Variants in DPP10 observed in about 807,000 individuals in gnomAD.
DPP10 encodes dipeptidyl peptidase like 10.
In DPP10, 33 loss-of-function variants were observed where a neutral mutation model predicts 120.9. That is an observed-to-expected ratio of 0.27 (90% CI 0.21 to 0.37). The LOEUF is 0.37. Among genes scored for constraint, DPP10 ranks in the 10% least tolerant of loss-of-function variants. The pLI is 1.00. For synonymous variants in DPP10, 337 were observed against 326.1 expected, an observed-to-expected ratio of 1.03 and a Z score of -0.36; for missense variants, 816 against 942.8, an observed-to-expected ratio of 0.87 and a Z score of 1.76.
At chr2:114,562,212 A>G (rs151299361) in intron 1 of DPP10, among the ~76,000 whole-genome samples, 16 of 152,208 alleles carry the variant, frequency 1.1e-4, no homozygotes, top group African/African-American at 3.1e-4. Flanking sequence ...CTTCCACTCT[A>G]TGCTACCTTT....
intron 1 of DPP10, among the ~76,000 whole-genome samples, chr2:114,578,333 T>C (rs1236154293): frequency 6.6e-6 from 1 of 152,216 alleles, no homozygotes; most frequent in Non-Finnish European, 1.5e-5. Flanking sequence ...ATTAAGGCAT[T>C]AGTTTTATTG....
At chr2:114,662,855 G>C (rs186692547) in intron 1 of DPP10, among the ~76,000 whole-genome samples, 267 of 152,286 alleles carry the variant, frequency 1.8e-3, no homozygotes, top group African/African-American at 6.0e-3. Flanking sequence ...CTGCTGCTTT[G>C]ATGCTGTTTC....
intron 1 of DPP10, among the ~76,000 whole-genome samples, chr2:115,305,056 C>T (rs1166260712): frequency 1.3e-5 from 2 of 151,982 alleles, no homozygotes; most frequent in African/African-American, 4.8e-5. Flanking sequence ...TGAACACAAG[C>T]GTTTCAACTG....
chr2:115,216,165 G>A (rs1364772408), intron 1 of DPP10, among the ~76,000 whole-genome samples: 1 of 152,064 alleles, frequency 6.6e-6, no homozygotes, highest in Non-Finnish European at 1.5e-5. Flanking sequence ...TGGGAGGATG[G>A]GAGGAAAGAG....
chr2:115,646,993 A>T (rs968272667), intron 5 of DPP10, among the ~76,000 whole-genome samples: 4 of 152,042 alleles, frequency 2.6e-5, no homozygotes, highest in Non-Finnish European at 4.4e-5. Context: ...TAAGATAGTC[A>T]TTCTATAGTA....
intron 9 of DPP10, among the ~76,000 whole-genome samples, chr2:115,742,103 T>C (rs1342038157): frequency 2.0e-5 from 3 of 152,198 alleles, no homozygotes; most frequent in Non-Finnish European, 4.4e-5. Flanking sequence ...TGTTTGTTTT[T>C]TTCTTATTTG....
At chr2:115,459,210 G>T (rs1344251420) in intron 3 of DPP10, among the ~76,000 whole-genome samples, 1 of 151,490 alleles carries the variant, frequency 6.6e-6, no homozygotes, top group Non-Finnish European at 1.5e-5. Context: ...AGGCTGGAGT[G>T]CAGTGGCACA....
In DPP10 at chr2:115,684,028, G is replaced by T. The variant is rs537362045; in HGVS notation, c.442-5659G>T. On this transcript the variant is annotated intron_variant, in intron 5 of 25. Coordinates refer to ENST00000410059, the MANE Select transcript of DPP10 (RefSeq NM_020868.6). Reference sequence around the variant, plus strand: ...GAAGGATAGAAAATATCCTTTTAAGGTTATAAATCTATCCAAACCTGAAGG... The same window carrying T: ...GAAGGATAGAAAATATCCTTTTAAGTTTATAAATCTATCCAAACCTGAAGG... 5.3e-5 allele frequency among the ~76,000 whole-genome samples: 8 copies of T among 151,774 alleles called. No homozygotes were observed. In the South Asian group the frequency reaches 8.3e-4, roughly 16 times the overall value.
At chr2:115,005,271 A>C (rs566400827) in intron 1 of DPP10, among the ~76,000 whole-genome samples, 1 of 152,288 alleles carries the variant, frequency 6.6e-6, no homozygotes, top group South Asian at 2.1e-4. Flanking sequence ...TGGGGAAAAA[A>C]CCGAACAGAA....
At chr2:114,528,080 C>T (rs181353857) in intron 1 of DPP10, among the ~76,000 whole-genome samples, 240 of 152,056 alleles carry the variant, frequency 1.6e-3, no homozygotes, top group African/African-American at 5.2e-3. Flanking sequence ...TACTTGAAGA[C>T]GGAAAGAGGA....
chr2:115,627,451 T>C (rs529959090), intron 5 of DPP10, among the ~76,000 whole-genome samples: 10 of 152,172 alleles, frequency 6.6e-5, no homozygotes, highest in Non-Finnish European at 1.3e-4. Context: ...AGATTTATAG[T>C]GTCAACAGAG....
At chr2:115,481,497 A>C (rs1296418190) in intron 3 of DPP10, among the ~76,000 whole-genome samples, 1 of 152,092 alleles carries the variant, frequency 6.6e-6, no homozygotes, top group African/African-American at 2.4e-5. Context: ...GTAATTCAGG[A>C]GTTTTAGTTG....
intron 1 of DPP10, among the ~76,000 whole-genome samples, chr2:114,581,613 G>A (rs758169431): frequency 6.6e-5 from 10 of 152,146 alleles, no homozygotes; most frequent in Non-Finnish European, 1.5e-4. Flanking sequence ...TGGCATTTTT[G>A]TTGGCCTTTT....
At chr2:114,471,271 T>C (rs550775686) in intron 1 of DPP10, among the ~76,000 whole-genome samples, 1 of 152,146 alleles carries the variant, frequency 6.6e-6, no homozygotes, top group South Asian at 2.1e-4. Flanking sequence ...AAAGAAAAAA[T>C]GGGAAATAGT....
rs1005828026 is a variant in DPP10 at position 114,947,383 on chromosome 2, GT to G, written c.61-361846del. Among the ~76,000 whole-genome samples the G allele has an allele frequency of 6.5e-3, 930 of 142,532 alleles. 10 individuals are homozygous for G. Among genetic ancestry groups the G allele is most frequent in the African/African-American group, 0.022 (867 of 38,898 alleles). 93.5% of individuals were successfully genotyped at this position (142,532 alleles called of 152,430 possible). On this transcript the variant is annotated intron_variant, in intron 1 of 25. Transcript: ENST00000410059. ...TTTTTCCATCGATGAATCTCTTGGT[GT>G]TTTTTTTTTAATTGATCATTTATAA...
chr2:115,164,892 A>G lies in DPP10; in HGVS notation c.61-144347A>G, dbSNP rs571779161. On this transcript the variant is annotated intron_variant, in intron 1 of 25. Transcript: ENST00000410059. ...CGTGTAGGGACCGTGTATTTTATGA[A>G]TATTCTGAATCATTGGAAATATTTT... 2.1e-4 allele frequency among the ~76,000 whole-genome samples: 32 copies of G among 152,210 alleles called. No homozygotes were observed. In the South Asian group the frequency reaches 4.8e-3, roughly 23 times the overall value.
At chr2:115,797,922 A>T (rs1684721967) in intron 19 of DPP10, among the ~76,000 whole-genome samples, 1 of 148,242 alleles carries the variant, frequency 6.7e-6, no homozygotes, top group South Asian at 2.2e-4. Context: ...TTTTAACTGG[A>T]ATATATATAT....
At chr2:115,375,827 A>G (rs562168216) in intron 3 of DPP10, among the ~76,000 whole-genome samples, 3 of 152,332 alleles carry the variant, frequency 2.0e-5, no homozygotes, top group Admixed American at 2.0e-4. Flanking sequence ...ATCAGAACTC[A>G]TGAGAACTCA....
intron 1 of DPP10, among the ~76,000 whole-genome samples, chr2:115,194,311 G>A (rs1348163045): frequency 6.6e-6 from 1 of 151,766 alleles, no homozygotes; most frequent in African/African-American, 2.4e-5. Context: ...CGCAGCCTCC[G>A]CCTCCCAGGT....
Sources: allele counts gnomAD v4.1 joint callset (sites outside exome capture counted in the v4.1 genomes callset), GRCh38; gene constraint gnomAD v4.1.1; transcripts MANE v1.5; gene names NCBI Gene and HGNC (gene_info 2026-07-23, HGNC 2026-07-21).